FHIT: variants seen among roughly 807,000 people sequenced by gnomAD.
FHIT encodes fragile histidine triad diadenosine triphosphatase.
FHIT carries 19 observed loss-of-function variants against 17.9 expected under a neutral mutation model. That is an observed-to-expected ratio of 1.06 (90% confidence interval 0.74 to 1.56). The LOEUF is 1.56. Ranked by LOEUF, FHIT falls within the 40% of genes most tolerant of loss-of-function variation. FHIT has a pLI of 0.00. For missense variants in FHIT, 248 were observed against 189.2 expected, an observed-to-expected ratio of 1.31 and a Z score of -1.82; for synonymous variants, 81 against 69.7, an observed-to-expected ratio of 1.16 and a Z score of -0.81.
At chr3:60,738,473 T>G (rs1553713143) in intron 4 of FHIT, among the ~76,000 whole-genome samples, 1 of 152,052 alleles carries the variant, frequency 6.6e-6, no homozygotes. Context: ...TTCCATCAGC[T>G]CCAGGTACCA....
chr3:60,533,962 G>C (rs1001251489), intron 5 of FHIT, among the ~76,000 whole-genome samples: 3 of 152,242 alleles, frequency 2.0e-5, no homozygotes, highest in African/African-American at 7.2e-5. Flanking sequence ...CCACACCTAA[G>C]GGCTAGACTA....
At chr3:60,562,189 A>T (rs997775546) in intron 4 of FHIT, among the ~76,000 whole-genome samples, 1 of 152,208 alleles carries the variant, frequency 6.6e-6, no homozygotes, top group African/African-American at 2.4e-5. Context: ...TAATTAATCT[A>T]TATTACTTTA....
intron 5 of FHIT, among the ~76,000 whole-genome samples, chr3:60,139,979 G>A (rs191076564): frequency 1.2e-4 from 18 of 152,048 alleles, no homozygotes; most frequent in South Asian, 2.1e-4. Context: ...AAAATTAGCC[G>A]GGCATGGTGA....
chr3:59,920,350 TA>T (rs1207967328), intron 8 of FHIT, among the ~76,000 whole-genome samples: 3 of 152,296 alleles, frequency 2.0e-5, no homozygotes, highest in East Asian at 1.9e-4. Flanking sequence ...CACTGATTTT[TA>T]AAAAAAGAAA....
chr3:60,079,934 T>G (rs1406112148), intron 5 of FHIT, among the ~76,000 whole-genome samples: 1 of 152,168 alleles, frequency 6.6e-6, no homozygotes, highest in African/African-American at 2.4e-5. Context: ...GATGTGCTAA[T>G]GATAGATTTT....
At chr3:60,065,577 C>T (rs931909774) in intron 5 of FHIT, among the ~76,000 whole-genome samples, 3 of 152,158 alleles carry the variant, frequency 2.0e-5, no homozygotes, top group Non-Finnish European at 2.9e-5. Flanking sequence ...ATATAGACTA[C>T]CCCTAGGCAA....
intron 5 of FHIT, among the ~76,000 whole-genome samples, chr3:60,297,796 A>C (rs559259097): frequency 1.4e-4 from 22 of 152,184 alleles, no homozygotes; most frequent in African/African-American, 5.1e-4. Context: ...CCTAGAATTC[A>C]ATTCAGTTCA....
At chr3:60,274,499 A>C (rs1301096388) in intron 5 of FHIT, among the ~76,000 whole-genome samples, 12 of 152,224 alleles carry the variant, frequency 7.9e-5, no homozygotes, top group African/African-American at 2.9e-4. Context: ...TATAAACTCA[A>C]ACATTATACT....
chr3:60,518,846 T>C (rs2035255103), intron 5 of FHIT, among the ~76,000 whole-genome samples: 1 of 151,994 alleles, frequency 6.6e-6, no homozygotes, highest in Admixed American at 6.6e-5. Context: ...TCGTCTCTAC[T>C]AAAAATACAA....
chr3:60,612,674 G>A (rs782203635), intron 4 of FHIT, among the ~76,000 whole-genome samples: 19 of 152,148 alleles, frequency 1.2e-4, no homozygotes, highest in Non-Finnish European at 2.6e-4. Context: ...TTTAAAAGAA[G>A]GGATATCATT....
chr3:60,308,406 G>C (rs1708779518), intron 5 of FHIT, among the ~76,000 whole-genome samples: 1 of 151,732 alleles, frequency 6.6e-6, no homozygotes. Flanking sequence ...ATTAGTATGG[G>C]CTGTTACAGA....
At chr3:60,249,096 A>C (rs561775163) in intron 5 of FHIT, among the ~76,000 whole-genome samples, 1 of 152,116 alleles carries the variant, frequency 6.6e-6, no homozygotes, top group South Asian at 2.1e-4. Flanking sequence ...AACTTCTATT[A>C]AGTATATTTG....
At chr3:60,495,241 T>C (rs886213565) in intron 5 of FHIT, among the ~76,000 whole-genome samples, 1 of 151,696 alleles carries the variant, frequency 6.6e-6, no homozygotes, top group Non-Finnish European at 1.5e-5. Flanking sequence ...GAGCACCTTT[T>C]CATATGCCTG....
At chr3:60,232,647 G>C (rs1181531335) in intron 5 of FHIT, among the ~76,000 whole-genome samples, 1 of 152,142 alleles carries the variant, frequency 6.6e-6, no homozygotes, top group Non-Finnish European at 1.5e-5. Context: ...TGATCAGCAA[G>C]TCAGTTCTGC....
chr3:60,208,178 C>T (rs992182774), intron 5 of FHIT, among the ~76,000 whole-genome samples: 13 of 152,156 alleles, frequency 8.5e-5, no homozygotes, highest in Admixed American at 3.3e-4. Context: ...CAAAGGCAAG[C>T]GTGATATGTC....
At chr3:59,934,146 A>G (rs1706111108) in intron 7 of FHIT, among the ~76,000 whole-genome samples, 1 of 152,218 alleles carries the variant, frequency 6.6e-6, no homozygotes, top group Admixed American at 6.5e-5. Context: ...ACCATATGCC[A>G]GGAACTGAGC....
chr3:60,223,645 G>C (rs17062513), intron 5 of FHIT, among the ~76,000 whole-genome samples: 47,984 of 151,902 alleles, frequency 0.32, 7,954 homozygotes, highest in African/African-American at 0.41. Context: ...TATACCATTA[G>C]ACTTTTATTT....
chr3:60,299,150 C>T (rs4679475), intron 5 of FHIT, among the ~76,000 whole-genome samples: 80,964 of 151,880 alleles, frequency 0.53, 22,417 homozygotes, highest in East Asian at 0.96. Context: ...GATCCTCAAG[C>T]TCTGCACTAG....
intron 7 of FHIT, 110 bp from the exon 8 acceptor site, chr3:59,922,524 T>A: frequency 3.4e-6 from 3 of 891,016 alleles, no homozygotes; most frequent in Admixed American, 5.0e-5. Context: ...TCCTGCTGGG[T>A]TATTTTTCAG....
Sources: allele counts gnomAD v4.1 joint callset (sites outside exome capture counted in the v4.1 genomes callset), GRCh38; gene constraint gnomAD v4.1.1; transcripts MANE v1.5; gene names NCBI Gene and HGNC (gene_info 2026-07-23, HGNC 2026-07-21).